Variants in RHBDD2 observed in about 807,000 individuals in gnomAD.
The protein encoded by RHBDD2 is rhomboid domain containing 2.
In RHBDD2, 13 loss-of-function variants were observed where a neutral mutation model predicts 21.7. The ratio of observed to expected loss-of-function variants is 0.60; its 90% CI spans 0.39 to 0.95. The LOEUF is 0.95. Among genes scored for constraint, RHBDD2 ranks in the 40% least tolerant of loss-of-function variants. The pLI, the probability that RHBDD2 is intolerant of heterozygous loss-of-function variation, is 0.00. For missense variants in RHBDD2, 473 were observed against 478.9 expected (o/e 0.99, Z 0.11); for synonymous variants, 225 against 220.0 (o/e 1.02, Z -0.20).
chr7:75,879,886 A>G (rs1447423317), intron 1 of RHBDD2, among the ~76,000 whole-genome samples: 11 of 152,200 alleles, frequency 7.2e-5, no homozygotes, highest in Admixed American at 7.2e-4. Flanking sequence ...CCAATTAAGT[A>G]TAAACATCCA....
intron 1 of RHBDD2, 69 bp from the exon 2 acceptor site, chr7:75,881,760 C>T (rs1315618735): frequency 4.8e-6 from 7 of 1,449,062 alleles, no homozygotes; most frequent in East Asian, 2.3e-5. Context: ...CTTTCCTAGG[C>T]GGCTTATAAC....
intron 3 of RHBDD2, 127 bp downstream of exon 3, chr7:75,883,975 A>G: frequency 4.6e-6 from 3 of 650,636 alleles, no homozygotes; most frequent in South Asian, 2.1e-5. Context: ...GCTCACTGCA[A>G]CCTCTGCTTC....
chr7:75,886,282 G>A (rs1554543827), intron 3 of RHBDD2, among the ~76,000 whole-genome samples: 1 of 152,164 alleles, frequency 6.6e-6, no homozygotes, highest in African/African-American at 2.4e-5. Flanking sequence ...GAGGGCTGCT[G>A]GGAAAACAGA....
intron 3 of RHBDD2, among the ~76,000 whole-genome samples, chr7:75,886,950 T>C (rs1283743984): frequency 3.9e-5 from 6 of 152,150 alleles, no homozygotes; most frequent in Admixed American, 3.9e-4. Context: ...GTGTTCCTTC[T>C]GTGTTCCCCA....
In RHBDD2 at chr7:75,888,184, T is replaced by G. The variant is rs1031523361; in HGVS notation, c.930T>G (p.Phe310Leu). 1 of 1,613,916 alleles carries G rather than the reference T, an allele frequency of 6.2e-7. No individual in the cohort carries two copies. The highest frequency in any genetic ancestry group is 8.5e-7 in the Non-Finnish European group (1 of 1,180,024). The change falls in exon 4 of 4, where the codon TTT becomes TTG. Residue 310 changes from phenylalanine (F) to leucine (L), a missense_variant. Phe to Leu is a conservative substitution (Grantham distance 22, BLOSUM62 0). Coordinates refer to ENST00000006777, the MANE Select transcript of RHBDD2 (RefSeq NM_001040456.3). Reference sequence around the variant, plus strand: ...GCCTGTGCTATGTGCAGAACCACTTTGGTCCAAACCCCACCTCCTCCAGTG... The same window carrying G: ...GCCTGTGCTATGTGCAGAACCACTTGGGTCCAAACCCCACCTCCTCCAGTG... Reference protein sequence around the residue: ...ASGLCYVQNHFGPNPTSSSVY... With the variant: ...ASGLCYVQNHLGPNPTSSSVY...
At chr7:75,879,406 G>T in intron 1 of RHBDD2, 146 bp downstream of exon 1, 1 of 726,204 alleles carries the variant, frequency 1.4e-6, no homozygotes, top group Non-Finnish European at 2.1e-6. Context: ...CCCGCCCCCC[G>T]GAGGACCGAC....
At chr7:75,881,717 C>T (rs1337505265) in intron 1 of RHBDD2, 112 bp from the exon 2 acceptor site, 16 of 1,153,460 alleles carry the variant, frequency 1.4e-5, no homozygotes, top group Admixed American at 2.3e-5. Flanking sequence ...CTCACTGGCT[C>T]TCACTTCTCT....
intron 2 of RHBDD2, among the ~76,000 whole-genome samples, chr7:75,882,956 C>G (rs1225673442): frequency 6.6e-6 from 1 of 152,156 alleles, no homozygotes; most frequent in East Asian, 1.9e-4. Flanking sequence ...GAAGCACAGC[C>G]AGAGAGGCCC....
At chr7:75,884,498 G>T (rs561960495) in intron 3 of RHBDD2, among the ~76,000 whole-genome samples, 54 of 152,338 alleles carry the variant, frequency 3.5e-4, no homozygotes, top group African/African-American at 1.3e-3. Flanking sequence ...GATTACAGGT[G>T]TGAGCCACTG....
rs11547497 is a variant in RHBDD2, at chr7:75,879,170, C to T, written c.88C>T (p.Leu30=). ...ATFFTALLSL[L]VSGPRLFLLQ... is the part of the protein sequence containing the mutation. The stretch of plus-strand genomic sequence containing the variant: ...CTTCTTCACTGCGCTGCTCTCGCTG[C>T]TGGTTTCCGGGCCTCGCCTGTTCCT... The change falls in exon 1 of 4, where the codon CTG becomes TTG. Residue 30 remains leucine, a synonymous_variant. Transcript: ENST00000006777. 6.2e-5 allele frequency: 94 copies of T among 1,509,484 alleles called. No homozygotes were observed. In the East Asian group the frequency reaches 2.5e-3, roughly 41 times the overall value. 93.5% of individuals were successfully genotyped at this position (1,509,484 alleles called of 1,614,324 possible).
Position 75,879,082 on chromosome 7 carries a change from C to T in RHBDD2, c.-1C>T. ...GGCGGGGCGCGGGAACGACGGCGGC[C>T]ATGGCGGCCTCGGGGCCCGGGTGTC... is the stretch of plus-strand genomic sequence containing the variant. On this transcript the variant is annotated 5_prime_UTR_variant, in exon 1 of 4. Transcript: ENST00000006777. 7.3e-7 allele frequency: 1 copy of T among 1,362,278 alleles called. No homozygotes were observed. Among genetic ancestry groups the T allele is most frequent in the South Asian group, 1.7e-5 (1 of 58,958 alleles). The allele number at this position is 1,362,278 out of a possible 1,614,324, so 84.4% of individuals were successfully genotyped here.
intron 2 of RHBDD2, among the ~76,000 whole-genome samples, chr7:75,883,271 A>G (rs782407984): frequency 3.3e-5 from 5 of 151,990 alleles, no homozygotes; most frequent in Non-Finnish European, 7.4e-5. Flanking sequence ...CTGTAATACT[A>G]GCACTTTGGG....
intron 1 of RHBDD2, chr7:75,880,208 CT>C (rs1411115084): frequency 6.6e-6 from 1 of 152,046 alleles, no homozygotes; most frequent in African/African-American, 2.4e-5. Flanking sequence ...TGTACAGTTG[CT>C]TCTAGAATCT....
Position 75,888,116 on chromosome 7 carries a change from C to T in RHBDD2, c.862C>T (p.Pro288Ser), listed in dbSNP as rs1805797669. The T allele has an allele frequency of 5.0e-6, 8 of 1,613,722 alleles. No individual in the cohort carries two copies. The highest frequency in any genetic ancestry group is 5.1e-6 in the Non-Finnish European group (6 of 1,180,052). Reference protein sequence around the residue: ...QKLASWPSCTPGHMPTLPPYQ... With the variant: ...QKLASWPSCTSGHMPTLPPYQ... ...GCTGGCCTCCTGGCCCTCCTGCACC[C>T]CCGGGCACATGCCCACCTTGCCTCC... is the stretch of plus-strand genomic sequence containing the variant. The change falls in exon 4 of 4, where the codon CCC (proline) becomes TCC (serine). Residue 288 changes from proline (P) to serine (S), a missense_variant. Coordinates refer to ENST00000006777, the MANE Select transcript of RHBDD2 (RefSeq NM_001040456.3).
chr7:75,879,193 C>A lies in RHBDD2; in HGVS notation c.111C>A (p.Phe37Leu). ...TGCTGGTTTCCGGGCCTCGCCTGTT[C>A]CTGCTGCAGCAGCCCCTGGCGCCCT... The part of the protein sequence containing the change: ...LSLLVSGPRL[F>L]LLQQPLAPSG... The change falls in exon 1 of 4, where the codon TTC becomes TTA. Residue 37 changes from phenylalanine (F) to leucine (L), a missense_variant. Transcript: ENST00000006777. The A allele has an allele frequency of 6.6e-7, 1 of 1,518,848 alleles. No individual in the cohort carries two copies. Among genetic ancestry groups the A allele is most frequent in the Non-Finnish European group, 8.8e-7 (1 of 1,131,614 alleles). The allele number at this position is 1,518,848 out of a possible 1,614,324, so 94.1% of individuals were successfully genotyped here. A position where few individuals can be genotyped will look rare whatever the true frequency, so the allele number is the denominator to read the frequency against.
At position 75,880,552 on chromosome 7, in the gene RHBDD2, C is replaced by T. The variant is rs566999780; in HGVS notation, c.179-1277C>T. Among the ~76,000 whole-genome samples, 27 of 152,224 alleles carry T rather than the reference C, an allele frequency of 1.8e-4. No individual in the cohort carries two copies. In the East Asian group the frequency reaches 4.4e-3, roughly 25 times the overall value. ...TGTTACTTTACAGTGAGGAAACTGA[C>T]GCCTAGAGGACCTGTGACATGATTA... is the stretch of plus-strand genomic sequence containing the variant. On this transcript the variant is annotated intron_variant, in intron 1 of 3. Transcript: ENST00000006777.
At position 75,888,273 on chromosome 7, in the gene RHBDD2, G is replaced by A. The variant is rs374397676; in HGVS notation, c.1019G>A (p.Gly340Asp). ...CCCCCCACGCCTGTGAACAGCCCTG[G>A]CACGGTGTATTCTGGGGCCTTGGGC... Reference protein sequence around the residue: ...IQPPTPVNSPGTVYSGALGTP... With the variant: ...IQPPTPVNSPDTVYSGALGTP... Residue 340 changes from glycine (G) to aspartate (D), a missense_variant, in exon 4 of 4, where the codon GGC (glycine) becomes GAC (aspartate). Transcript: ENST00000006777. 2.5e-6 allele frequency: 4 copies of A among 1,613,486 alleles called. No homozygotes were observed. Among genetic ancestry groups the A allele is most frequent in the Non-Finnish European group, 3.4e-6 (4 of 1,179,992 alleles).
rs10254696 is a variant in RHBDD2 at position 75,885,689 on chromosome 7, G to A, written c.737+1841G>A. On this transcript the variant is annotated intron_variant, in intron 3 of 3. Coordinates refer to ENST00000006777, the MANE Select transcript of RHBDD2 (RefSeq NM_001040456.3). Reference sequence around the variant, plus strand: ...TTCCAATCATAGGGCAAGGGGAGGCGGCACCACACATTGAGAGAGGGAGGG... The same window carrying A: ...TTCCAATCATAGGGCAAGGGGAGGCAGCACCACACATTGAGAGAGGGAGGG... Among the ~76,000 whole-genome samples, 635 of 152,106 alleles carry A rather than the reference G, an allele frequency of 4.2e-3. 4 individuals carry two copies. Among genetic ancestry groups the A allele is most frequent in the African/African-American group, 0.015 (609 of 41,488 alleles).
intron 3 of RHBDD2, among the ~76,000 whole-genome samples, chr7:75,884,683 G>A (rs1805547640): frequency 6.6e-6 from 1 of 152,170 alleles, no homozygotes; most frequent in African/African-American, 2.4e-5. Context: ...AGCAGGAAAG[G>A]GAAGGCATTT....
Sources: gnomAD v4.1 joint callset for allele counts (sites outside exome capture counted in the v4.1 genomes callset) on GRCh38, gnomAD v4.1.1 for gene constraint, MANE v1.5 for transcripts, NCBI Gene and HGNC (gene_info 2026-07-23, HGNC 2026-07-21) for gene names.